Variants in ADCY2 observed in about 807,000 individuals in gnomAD.
ADCY2 encodes the protein adenylate cyclase type 2.
Under a neutral mutation model 125.2 loss-of-function variants are expected in ADCY2, and 31 were observed. That is an observed-to-expected ratio of 0.25 (90% CI 0.19 to 0.33). ADCY2 has a LOEUF of 0.33. Among genes scored for constraint, ADCY2 ranks in the 10% least tolerant of loss-of-function variants. The pLI is 1.00. For missense variants in ADCY2, 904 were observed against 1,418.2 expected (o/e 0.64, Z 5.82); for synonymous variants, 512 against 548.4 (o/e 0.93, Z 0.93).
At chr5:7,401,622 T>C (rs1739267358) in intron 1 of ADCY2, among the ~76,000 whole-genome samples, 3 of 152,244 alleles carry the variant, frequency 2.0e-5, no homozygotes, top group African/African-American at 7.2e-5. Context: ...ATTTTCATTA[T>C]GCTAAATGTC....
rs71604189 is a variant in ADCY2 at position 7,799,751 on chromosome 5, G to A, written c.2629-2467G>A. ...GGGAACTTTCCAAAACAATGCCTGCGCTTGGAGCCCAGCCTAGGGGATGAG... is the reference window on the plus strand; with the variant it reads ...GGGAACTTTCCAAAACAATGCCTGCACTTGGAGCCCAGCCTAGGGGATGAG... On this transcript the variant is annotated intron_variant, in intron 20 of 24. Coordinates refer to ENST00000338316, the MANE Select transcript of ADCY2 (RefSeq NM_020546.3). The A allele has an allele frequency of 6.8e-3, 1,035 of 152,408 alleles. 6 individuals carry two copies. Among genetic ancestry groups the A allele is most frequent in the Middle Eastern group, 0.017 (5 of 296 alleles). 9.4% of individuals were successfully genotyped at this position (152,408 alleles called of 1,614,324 possible). A position where few individuals can be genotyped will look rare whatever the true frequency, so the allele number is the denominator to read the frequency against.
At position 7,622,828 on chromosome 5, in the gene ADCY2, G is replaced by C. The variant is rs142766900; in HGVS notation, c.571-3339G>C. Among the ~76,000 whole-genome samples the C allele has an allele frequency of 4.3e-3, 654 of 152,300 alleles. 4 individuals are homozygous for C. Among genetic ancestry groups the C allele is most frequent in the African/African-American group, 0.015 (630 of 41,558 alleles). Reference sequence around the variant, plus strand: ...GTGCACAGGGCCAGGCAGCACAGCGGGGAGCACCCTGAATTCAGTCTACTG... The same window carrying C: ...GTGCACAGGGCCAGGCAGCACAGCGCGGAGCACCCTGAATTCAGTCTACTG... On this transcript the variant is annotated intron_variant, in intron 3 of 24. Transcript: ENST00000338316.
At chr5:7,737,799 C>G (rs973065587) in intron 14 of ADCY2, among the ~76,000 whole-genome samples, 1 of 152,004 alleles carries the variant, frequency 6.6e-6, no homozygotes, top group Non-Finnish European at 1.5e-5. Flanking sequence ...AATGCACCCA[C>G]AAAAAAAGAC....
chr5:7,399,277 C>T (rs1017735735), intron 1 of ADCY2, among the ~76,000 whole-genome samples: 1 of 152,170 alleles, frequency 6.6e-6, no homozygotes, highest in African/African-American at 2.4e-5. Context: ...CCCTAGCCTC[C>T]TAGAGCATTT....
rs147134269 is a variant in ADCY2, at chr5:7,802,106, C to A, written c.2629-112C>A. 1.1e-3 allele frequency: 1,315 copies of A among 1,251,752 alleles called. 15 individuals are homozygous for A. In the African/African-American group the frequency reaches 0.018, roughly 17 times the overall value. 77.5% of individuals were successfully genotyped at this position (1,251,752 alleles called of 1,614,324 possible). A position where few individuals can be genotyped will look rare whatever the true frequency, so the allele number is the denominator to read the frequency against. On this transcript the variant is annotated intron_variant, in intron 20 of 24. Coordinates refer to ENST00000338316, the MANE Select transcript of ADCY2 (RefSeq NM_020546.3). This position sits in a 1 kb window ranked among gnomAD's most constrained non-coding sequence, Gnocchi z 4.6. Reference sequence around the variant, plus strand: ...GCTGGGGTGGGGCAAGTGGAGTAGGCATTTGGGCGATGTCTGTGTGAATCC... The same window carrying A: ...GCTGGGGTGGGGCAAGTGGAGTAGGAATTTGGGCGATGTCTGTGTGAATCC...
intron 3 of ADCY2, among the ~76,000 whole-genome samples, chr5:7,603,252 G>A (rs1024158906): frequency 7.2e-5 from 11 of 152,292 alleles, no homozygotes; most frequent in South Asian, 2.1e-4. Flanking sequence ...GATGTTCAGC[G>A]TCTGTAGTGG....
intron 3 of ADCY2, among the ~76,000 whole-genome samples, chr5:7,614,482 C>T (rs1737681725): frequency 6.6e-6 from 1 of 152,184 alleles, no homozygotes; most frequent in African/African-American, 2.4e-5. Flanking sequence ...AAGACTCAAA[C>T]CTAATTCCTG....
chr5:7,561,298 T>C lies in ADCY2; in HGVS notation c.570+40399T>C, dbSNP rs1051884905. Among the ~76,000 whole-genome samples the C allele has an allele frequency of 2.9e-4, 44 of 152,344 alleles. 1 individual carries two copies. Among genetic ancestry groups the C allele is most frequent in the African/African-American group, 9.9e-4 (41 of 41,578 alleles). ...TCATCATTGTGCGAACATCATAGCA[T>C]GTACTTACGCAAACCTAAATGGTGT... is the stretch of plus-strand genomic sequence containing the variant. On this transcript the variant is annotated intron_variant, in intron 3 of 24. Transcript: ENST00000338316.
At position 7,775,540 on chromosome 5, in the gene ADCY2, G is replaced by A. The variant is rs565994533; in HGVS notation, c.2384+2439G>A. On this transcript the variant is annotated intron_variant, in intron 18 of 24. Transcript: ENST00000338316. ...TGAGTAGCTAGGATTGCAGGCAGCC[G>A]CCACCATGCCTGGCTGATTTTTGTA... Among the ~76,000 whole-genome samples the A allele has an allele frequency of 5.9e-5, 9 of 151,524 alleles. No homozygotes were observed. In the East Asian group the frequency reaches 1.6e-3, roughly 26 times the overall value.
In ADCY2 at chr5:7,818,171, C is replaced by T. The variant is rs139823200; in HGVS notation, c.2998+1191C>T. On this transcript the variant is annotated intron_variant, in intron 23 of 24. Transcript: ENST00000338316. ...CTGAATGGTTTTTAACGCTCTCTTA[C>T]ATACAAATTTCAACTTTAAAAAGAA... Among the ~76,000 whole-genome samples, 445 of 152,228 alleles carry T rather than the reference C, an allele frequency of 2.9e-3. 2 individuals are homozygous for T. The highest frequency in any genetic ancestry group is 9.9e-3 in the African/African-American group (410 of 41,528).
chr5:7,757,634 T>A lies in ADCY2; in HGVS notation c.2094+48T>A, dbSNP rs760741738. 2.5e-6 allele frequency: 4 copies of A among 1,598,174 alleles called. No individual in the cohort carries two copies. The Admixed American group carries it at 6.8e-5, about 27-fold the overall frequency. On this transcript the variant is annotated intron_variant, in intron 16 of 24. Transcript: ENST00000338316. ...GTTCAACATGGTAAGCCCCAGAGCA[T>A]GGCCGTGTTCAACATGGTAAGCCCC...
chr5:7,482,657 A>T (rs909824272), intron 2 of ADCY2, among the ~76,000 whole-genome samples: 1 of 151,848 alleles, frequency 6.6e-6, no homozygotes, highest in African/African-American at 2.4e-5. Context: ...AGAAATCCTT[A>T]TATCAAAGAG....
chr5:7,437,023 A>G (rs57154858), intron 2 of ADCY2, among the ~76,000 whole-genome samples: 7,662 of 152,216 alleles, frequency 0.05, 659 homozygotes, highest in African/African-American at 0.17. Flanking sequence ...AGGGGCCACC[A>G]GGATCAGGCC....
At position 7,690,845 on chromosome 5, in the gene ADCY2, A is replaced by G; in HGVS notation, c.869+6A>G. 6.4e-7 allele frequency: 1 copy of G among 1,557,372 alleles called. No homozygotes were observed. Among genetic ancestry groups the G allele is most frequent in the Non-Finnish European group, 8.7e-7 (1 of 1,154,774 alleles). On this transcript the variant is annotated splice_donor_region_variant and intron_variant, in intron 5 of 24. Transcript: ENST00000338316. ...AAGCGGCATACAAACGTGAGGTACGACGCTATGCTTGCTCCTTGGCTGGTC... is the reference window on the plus strand; with the variant it reads ...AAGCGGCATACAAACGTGAGGTACGGCGCTATGCTTGCTCCTTGGCTGGTC...
chr5:7,802,237 A>G lies in ADCY2; in HGVS notation c.2648A>G (p.Tyr883Cys), dbSNP rs1217346958. 1.2e-6 allele frequency: 2 copies of G among 1,613,796 alleles called. No homozygotes were observed. The highest frequency in any genetic ancestry group is 8.5e-7 in the Non-Finnish European group (1 of 1,179,900). ...LKNEELYHQS[Y>C]DCVCVMFASI... ...AAGCAGGAGCTATACCACCAGTCCT[A>G]TGACTGCGTCTGCGTCATGTTTGCC... Residue 883 changes from tyrosine (Y) to cysteine (C), a missense_variant, in exon 21 of 25, where the codon TAT becomes TGT. This residue lies in a region of ADCY2 where 181 missense variants were observed against 381.6 expected (regional missense o/e 0.47). Transcript: ENST00000338316. The surrounding 1 kb of genome is among the most constrained non-coding windows in gnomAD (Gnocchi z 4.6).
At chr5:7,474,185 TCTTA>T (rs1250645632) in intron 2 of ADCY2, among the ~76,000 whole-genome samples, 1 of 152,216 alleles carries the variant, frequency 6.6e-6, no homozygotes, top group Non-Finnish European at 1.5e-5. Context: ...AAGCCAGAGC[TCTTA>T]CTTACTTAAC....
chr5:7,675,446 A>G (rs1740089947), intron 4 of ADCY2, among the ~76,000 whole-genome samples: 1 of 152,190 alleles, frequency 6.6e-6, no homozygotes, highest in Non-Finnish European at 1.5e-5. Flanking sequence ...TGTAAGTGAA[A>G]GAGTTACAGA....
rs1741620174 is a variant in ADCY2 at position 7,717,305 on chromosome 5, C to A, written c.1703+68C>A. On this transcript the variant is annotated intron_variant, in intron 12 of 24. Coordinates refer to ENST00000338316, the MANE Select transcript of ADCY2 (RefSeq NM_020546.3). ...TGTTCCAGTTGTATTTTATCATGGG[C>A]TCTGCAATAGTTACCATGACAAAGC... 2.6e-6 allele frequency: 3 copies of A among 1,153,774 alleles called. No homozygotes were observed. The South Asian group carries it at 4.5e-5, about 17-fold the overall frequency. 71.5% of individuals were successfully genotyped at this position (1,153,774 alleles called of 1,614,324 possible).
At chr5:7,707,636 G>A (rs1741304782) in intron 8 of ADCY2, 70 bp from the exon 9 acceptor site, 1 of 1,552,000 alleles carries the variant, frequency 6.4e-7, no homozygotes, top group Non-Finnish European at 8.8e-7. Flanking sequence ...CAGAAATCAT[G>A]AGCAAATAGA....
Sources: allele counts gnomAD v4.1 joint callset (sites outside exome capture counted in the v4.1 genomes callset), GRCh38; gene constraint gnomAD v4.1.1; regional missense constraint gnomAD v4.1.1; non-coding constraint Gnocchi (gnomAD v3.1); transcripts MANE v1.5; gene names NCBI Gene and HGNC (gene_info 2026-07-23, HGNC 2026-07-21).